Variants in SLC18A2 observed in about 807,000 individuals in gnomAD.
SLC18A2 encodes solute carrier family 18 member A2.
SLC18A2 carries 33 observed loss-of-function variants against 59.2 expected under a neutral mutation model. That is an observed-to-expected ratio of 0.56 (90% CI 0.42 to 0.75). The LOEUF is 0.75. Among genes scored for constraint, SLC18A2 ranks in the 30% least tolerant of loss-of-function variants. SLC18A2 has a pLI of 0.00. For missense variants in SLC18A2, 569 were observed against 668.6 expected (o/e 0.85, Z 1.64); for synonymous variants, 228 against 253.5 (o/e 0.90, Z 0.95).
intron 3 of SLC18A2, among the ~76,000 whole-genome samples, chr10:117,251,098 A>G (rs923915339): frequency 1.3e-5 from 2 of 152,230 alleles, no homozygotes; most frequent in Admixed American, 6.5e-5. Context: ...AGCCAAAATG[A>G]AGAACTGGTG....
rs184841729 is a variant in SLC18A2, at chr10:117,245,185, T to C, written c.464+872T>C. ...GGGAGCTGGTACAGTTAAGTGTTGG[T>C]GGTGGGCTGCCAAGTGCGCAGTGTA... is the stretch of plus-strand genomic sequence containing the variant. On this transcript the variant is annotated intron_variant, in intron 3 of 15. Coordinates refer to ENST00000644641, the MANE Select transcript of SLC18A2 (RefSeq NM_003054.6). 4.2e-3 allele frequency among the ~76,000 whole-genome samples: 633 copies of C among 152,164 alleles called. 4 individuals carry two copies. The highest frequency in any genetic ancestry group is 0.014 in the African/African-American group (602 of 41,518).
chr10:117,247,839 G>A (rs1276724120), intron 3 of SLC18A2, among the ~76,000 whole-genome samples: 1 of 152,164 alleles, frequency 6.6e-6, no homozygotes, highest in Admixed American at 6.5e-5. Flanking sequence ...TGTTTTAACT[G>A]AAGTGGGACC....
At position 117,265,470 on chromosome 10, in the gene SLC18A2, C is replaced by T. The variant is rs1331047967; in HGVS notation, c.992-1263C>T. On this transcript the variant is annotated intron_variant, in intron 10 of 15. Transcript: ENST00000644641. ...CTGATTGAGAACAAAGTAACTTTTA[C>T]TATGTGTGGGCAAGGCTTGGAATCA... Among the ~76,000 whole-genome samples the T allele has an allele frequency of 9.2e-5, 14 of 152,034 alleles. 1 individual carries two copies. The highest frequency in any genetic ancestry group is 2.1e-4 in the Non-Finnish European group (14 of 68,024).
At chr10:117,249,053 C>T (rs183971489) in intron 3 of SLC18A2, among the ~76,000 whole-genome samples, 2 of 152,326 alleles carry the variant, frequency 1.3e-5, no homozygotes, top group East Asian at 3.9e-4. Flanking sequence ...ACGAAATCTA[C>T]CATGGTTTTA....
rs2133752498 is a variant in SLC18A2, at chr10:117,279,135, T to C, written c.*1869T>C. The C allele has an allele frequency of 6.6e-6, 1 of 152,308 alleles. No individual in the cohort carries two copies. The highest frequency in any genetic ancestry group is 1.5e-5 in the Non-Finnish European group (1 of 68,028). 9.4% of individuals were successfully genotyped at this position (152,308 alleles called of 1,614,324 possible). On this transcript the variant is annotated 3_prime_UTR_variant, in exon 16 of 16. Transcript: ENST00000644641. ...AATATAAATAAAACCTTCAGAACTG[T>C]TTTGGAGCAAAAGATAGCTTGTACT...
intron 5 of SLC18A2, 92 bp downstream of exon 5, chr10:117,254,223 G>A (rs1844200260): frequency 1.5e-6 from 2 of 1,375,414 alleles, no homozygotes; most frequent in South Asian, 1.2e-5. Flanking sequence ...TGGTGGTTGG[G>A]GTGCTGGGGA....
At chr10:117,255,164 A>G in intron 6 of SLC18A2, 113 bp from the exon 7 acceptor site, 1 of 1,017,748 alleles carries the variant, frequency 9.8e-7, no homozygotes, top group Non-Finnish European at 1.5e-6. Flanking sequence ...CAGCCACCCC[A>G]AAGCCTTATT....
In SLC18A2 at chr10:117,245,567, G is replaced by A. The variant is rs1356005879; in HGVS notation, c.464+1254G>A. Among the ~76,000 whole-genome samples the A allele has an allele frequency of 4.6e-5, 7 of 152,064 alleles. No individual in the cohort carries two copies. The South Asian group carries it at 6.3e-4, about 14-fold the overall frequency. On this transcript the variant is annotated intron_variant, in intron 3 of 15. Coordinates refer to ENST00000644641, the MANE Select transcript of SLC18A2 (RefSeq NM_003054.6). ...CTGCCTTTGGCGTGGGGAGTGGGGC[G>A]CAGGACTGGCTGCATAATTTGTGGG...
chr10:117,258,013 C>T, intron 10 of SLC18A2, 121 bp downstream of exon 10: 1 of 628,468 alleles, frequency 1.6e-6, no homozygotes, highest in Non-Finnish European at 2.7e-6. Context: ...TTCTGTTTGA[C>T]TCTTAATGGG....
chr10:117,277,050 G>A, intron 15 of SLC18A2, 112 bp from the exon 16 acceptor site: 1 of 600,528 alleles, frequency 1.7e-6, no homozygotes, highest in South Asian at 2.3e-5. Context: ...CTGGTTAATA[G>A]CAAGTAATAC....
At chr10:117,270,963 A>G (rs560664815) in intron 15 of SLC18A2, among the ~76,000 whole-genome samples, 1 of 152,338 alleles carries the variant, frequency 6.6e-6, no homozygotes, top group African/African-American at 2.4e-5. Context: ...GGTATATGTG[A>G]ACACACAGAA....
intron 3 of SLC18A2, among the ~76,000 whole-genome samples, chr10:117,249,338 G>A (rs1844138428): frequency 6.6e-6 from 1 of 152,260 alleles, no homozygotes; most frequent in African/African-American, 2.4e-5. Context: ...AAAGTGAGAA[G>A]TCCGTGCCCC....
chr10:117,253,361 T>A (rs376177670), intron 3 of SLC18A2, 38 bp from the exon 4 acceptor site: 2 of 1,512,066 alleles, frequency 1.3e-6, no homozygotes, highest in African/African-American at 2.7e-5. Context: ...AAAAATAGCC[T>A]GCAGTCACCA....
Position 117,277,476 on chromosome 10 carries a change from T to A in SLC18A2, c.*210T>A. 3.1e-6 allele frequency: 1 copy of A among 322,326 alleles called. No homozygotes were observed. The highest frequency in any genetic ancestry group is 4.8e-5 in the Admixed American group (1 of 20,800). The allele number at this position is 322,326 out of a possible 1,614,324, so 20.0% of individuals were successfully genotyped here. ...TTCTAGGGGTTTGTATAAATAGTGT[T>A]GAAACTTTATTTTATGTATTTAATT... On this transcript the variant is annotated 3_prime_UTR_variant, in exon 16 of 16. Transcript: ENST00000644641.
chr10:117,272,571 T>TA (rs906000786), intron 15 of SLC18A2, among the ~76,000 whole-genome samples: 5 of 152,154 alleles, frequency 3.3e-5, no homozygotes, highest in Admixed American at 1.3e-4. Context: ...GTTCATGTTT[T>TA]AAAAAAATGC....
In SLC18A2 at chr10:117,257,909, G is replaced by T; in HGVS notation, c.991+17G>T. The T allele has an allele frequency of 5.1e-6, 8 of 1,568,476 alleles. No individual in the cohort carries two copies. The highest frequency in any genetic ancestry group is 7.0e-6 in the Non-Finnish European group (8 of 1,147,232). ...GGCAGCTGGGTAAGGACTGGGGTGG[G>T]CTCTTCTGATTCAAGAGCATTTGTC... On this transcript the variant is annotated intron_variant, in intron 10 of 15. Transcript: ENST00000644641.
intron 10 of SLC18A2, among the ~76,000 whole-genome samples, chr10:117,264,068 A>T (rs1191231889): frequency 6.6e-6 from 1 of 152,184 alleles, no homozygotes; most frequent in Non-Finnish European, 1.5e-5. Flanking sequence ...CCGGGGCTGG[A>T]TGGCCAGCTC....
rs769689830 is a variant in SLC18A2, at chr10:117,241,731, A to G, written c.38A>G (p.Gln13Arg). Residue 13 changes from glutamine to arginine, a missense_variant, in exon 2 of 16, where the codon CAG becomes CGG. Physicochemically the swap from Gln to Arg is conservative, Grantham distance 43. This residue lies in a region of SLC18A2 where 377 missense variants were observed against 389.8 expected (regional missense o/e 0.97). Coordinates refer to ENST00000644641, the MANE Select transcript of SLC18A2 (RefSeq NM_003054.6). ...LSELALVRWLQESRRSRKLIL... is the reference protein window; with the variant it reads ...LSELALVRWLRESRRSRKLIL... Reference sequence around the variant, plus strand: ...GAGCTGGCGCTGGTCCGCTGGCTGCAGGAGAGCCGCCGCTCGCGGAAGCTC... The same window carrying G: ...GAGCTGGCGCTGGTCCGCTGGCTGCGGGAGAGCCGCCGCTCGCGGAAGCTC... 3 of 1,607,692 alleles carry G rather than the reference A, an allele frequency of 1.9e-6. No individual in the cohort carries two copies. The highest frequency in any genetic ancestry group is 2.2e-5 in the East Asian group (1 of 44,488).
intron 10 of SLC18A2, among the ~76,000 whole-genome samples, chr10:117,263,825 G>A (rs1166987088): frequency 6.6e-6 from 1 of 152,146 alleles, no homozygotes; most frequent in East Asian, 1.9e-4. Flanking sequence ...TATTTAATGA[G>A]CTGTGGGGAT....
Sources: allele counts gnomAD v4.1 joint callset (sites outside exome capture counted in the v4.1 genomes callset), GRCh38; gene constraint gnomAD v4.1.1; regional missense constraint gnomAD v4.1.1; transcripts MANE v1.5; gene names NCBI Gene and HGNC (gene_info 2026-07-23, HGNC 2026-07-21).